SREBF2: variants seen among roughly 807,000 people sequenced by gnomAD.
SREBF2 encodes the protein sterol regulatory element-binding protein 2.
In SREBF2, 55 loss-of-function variants were observed where a neutral mutation model predicts 113.1. The observed-to-expected ratio is 0.49, with a 90% CI of 0.39 to 0.61. The LOEUF (loss-of-function observed/expected upper bound fraction) is 0.61, where lower values mean the gene tolerates loss of function less well. Among genes scored for constraint, SREBF2 ranks in the 20% least tolerant of loss-of-function variants. SREBF2 has a pLI of 0.00. For synonymous variants in SREBF2, 593 were observed against 605.7 expected (o/e 0.98, Z 0.31); for missense variants, 1,349 against 1,487.4 (o/e 0.91, Z 1.53).
chr22:41,873,229 G>GA (rs1333759409), intron 4 of SREBF2, among the ~76,000 whole-genome samples: 4 of 151,970 alleles, frequency 2.6e-5, no homozygotes, highest in Non-Finnish European at 4.4e-5. Flanking sequence ...AATAAAGTTA[G>GA]AAAAAATAAG....
chr22:41,878,187 G>A (rs1471375910), intron 9 of SREBF2, 64 bp downstream of exon 9: 2 of 1,595,684 alleles, frequency 1.3e-6, no homozygotes, highest in Non-Finnish European at 1.7e-6. Context: ...AGCAACTCGT[G>A]TCAAAGAAAG....
intron 1 of SREBF2, among the ~76,000 whole-genome samples, chr22:41,844,534 C>T (rs2076859660): frequency 6.6e-6 from 1 of 152,168 alleles, no homozygotes; most frequent in Non-Finnish European, 1.5e-5. Context: ...TAAGGTAAGG[C>T]TCCCTGGGGA....
intron 1 of SREBF2, among the ~76,000 whole-genome samples, chr22:41,836,874 G>A (rs568593538): frequency 6.6e-6 from 1 of 152,256 alleles, no homozygotes; most frequent in African/African-American, 2.4e-5. Flanking sequence ...GCCTCCAGGA[G>A]GTGCAGGCAG....
At position 41,905,803 on chromosome 22, in the gene SREBF2, C is replaced by G. The variant is rs1013004182; in HGVS notation, c.*143C>G. Reference sequence around the variant, plus strand: ...CTTCTGGGCCACTCAGGCCAGTGCACCCCTGGGCAGAGCCCCTTAAAGCTG... The same window carrying G: ...CTTCTGGGCCACTCAGGCCAGTGCAGCCCTGGGCAGAGCCCCTTAAAGCTG... On this transcript the variant is annotated 3_prime_UTR_variant, in exon 19 of 19. Coordinates refer to ENST00000361204, the MANE Select transcript of SREBF2 (RefSeq NM_004599.4). The G allele has an allele frequency of 1.1e-6, 1 of 941,748 alleles. No homozygotes were observed. The highest frequency in any genetic ancestry group is 1.7e-6 in the Non-Finnish European group (1 of 594,358). 58.3% of individuals were successfully genotyped at this position (941,748 alleles called of 1,614,324 possible).
chr22:41,843,853 A>C (rs906450133), intron 1 of SREBF2, among the ~76,000 whole-genome samples: 1 of 151,678 alleles, frequency 6.6e-6, no homozygotes, highest in Non-Finnish European at 1.5e-5. Flanking sequence ...GTAAAAAAAA[A>C]AAAAATACAA....
At chr22:41,905,240 T>C (rs928793531) in intron 18 of SREBF2, among the ~76,000 whole-genome samples, 200 bp from the exon 19 acceptor site, 3 of 152,216 alleles carry the variant, frequency 2.0e-5, no homozygotes, top group Non-Finnish European at 4.4e-5. Context: ...AGCCAGGTCA[T>C]GTGGGCCCAT....
At position 41,866,935 on chromosome 22, in the gene SREBF2, GGCAGCA is replaced by G. The variant is rs1569388216; in HGVS notation, c.195_200del (p.Ser66_Ser67del). On this transcript the variant is annotated inframe_deletion, in exon 2 of 19. Transcript: ENST00000361204. ...CAGTGGTGGTAGTGGTAGCAGCAGC[GGCAGCA>G]GTGGCAGCAGCAGCAGCAGCAGCAA... The G allele has an allele frequency of 6.2e-7, 1 of 1,613,172 alleles. No individual in the cohort carries two copies.
intron 1 of SREBF2, among the ~76,000 whole-genome samples, chr22:41,838,693 A>G (rs2076801035): frequency 6.6e-6 from 1 of 152,230 alleles, no homozygotes; most frequent in Non-Finnish European, 1.5e-5. Context: ...AGATTGTGCC[A>G]CTGTACTCCA....
intron 1 of SREBF2, among the ~76,000 whole-genome samples, chr22:41,864,261 T>TATATATACACACACACAC (rs1204150898): frequency 3.9e-5 from 2 of 51,010 alleles, no homozygotes; most frequent in African/African-American, 1.5e-4. Flanking sequence ...TATATATATA[T>TATATATACACACACACAC]ACACACACAC....
chr22:41,897,201 G>C, intron 14 of SREBF2, 40 bp downstream of exon 14: 2 of 1,431,034 alleles, frequency 1.4e-6, no homozygotes, highest in South Asian at 1.2e-5. Context: ...AGGGTGCTCA[G>C]TTCAGGTCTT....
intron 1 of SREBF2, among the ~76,000 whole-genome samples, chr22:41,866,132 T>G (rs2077072415): frequency 6.6e-6 from 1 of 152,184 alleles, no homozygotes; most frequent in African/African-American, 2.4e-5. Flanking sequence ...ACTCACAGCC[T>G]TAGGACAGTG....
Position 41,833,136 on chromosome 22 carries a change from C to T in SREBF2, c.-135C>T, listed in dbSNP as rs1395248778. 1.6e-6 allele frequency: 1 copy of T among 618,266 alleles called. No individual in the cohort carries two copies. 38.3% of individuals were successfully genotyped at this position (618,266 alleles called of 1,614,324 possible). On this transcript the variant is annotated 5_prime_UTR_variant, in exon 1 of 19. Coordinates refer to ENST00000361204, the MANE Select transcript of SREBF2 (RefSeq NM_004599.4). The surrounding 1 kb of genome is among the most constrained non-coding windows in gnomAD (Gnocchi z 4.1). Reference sequence around the variant, plus strand: ...GTGCGGCGCCCGGGCGCAACGCAAACATGGCGGCGGGTGGCACCCGTCGGT... The same window carrying T: ...GTGCGGCGCCCGGGCGCAACGCAAATATGGCGGCGGGTGGCACCCGTCGGT...
intron 9 of SREBF2, 26 bp downstream of exon 9, chr22:41,878,149 A>G (rs1316575285): frequency 6.2e-7 from 1 of 1,612,706 alleles, no homozygotes; most frequent in Admixed American, 1.7e-5. Flanking sequence ...GCCCTTCCCC[A>G]TCCTCCCCCA....
intron 1 of SREBF2, among the ~76,000 whole-genome samples, chr22:41,853,292 C>T (rs769504387): frequency 1.3e-5 from 2 of 152,196 alleles, no homozygotes; most frequent in Non-Finnish European, 2.9e-5. Flanking sequence ...GCCCATCACC[C>T]ATTGTCTTCA....
At chr22:41,843,480 A>G (rs893435562) in intron 1 of SREBF2, among the ~76,000 whole-genome samples, 3 of 152,218 alleles carry the variant, frequency 2.0e-5, no homozygotes, top group African/African-American at 7.2e-5. Flanking sequence ...TTTGCATGCA[A>G]TCTTTTCTTC....
chr22:41,899,695 C>G, intron 15 of SREBF2: 1 of 579,338 alleles, frequency 1.7e-6, no homozygotes, highest in South Asian at 6.9e-5. Flanking sequence ...GTGTGTCTCC[C>G]CCAGTCGATG....
At chr22:41,880,464 G>C (rs2077234788) in intron 9 of SREBF2, among the ~76,000 whole-genome samples, 1 of 150,988 alleles carries the variant, frequency 6.6e-6, no homozygotes, top group Non-Finnish European at 1.5e-5. Flanking sequence ...TAGAACAAAC[G>C]CACGCAGTAC....
At position 41,893,156 on chromosome 22, in the gene SREBF2, G is replaced by A. The variant is rs1212341895; in HGVS notation, c.2248G>A (p.Glu750Lys). 5.6e-6 allele frequency: 9 copies of A among 1,613,940 alleles called. No individual in the cohort carries two copies. The highest frequency in any genetic ancestry group is 2.2e-5 in the South Asian group (2 of 91,072). ...LSRAQSLCGP[E>K]HSAVPDSLRW... Reference sequence around the variant, plus strand: ...CCGAGCCCAGAGCCTGTGTGGCCCCGAGCACAGTGCTGTTCCTGACTCCCT... The same window carrying A: ...CCGAGCCCAGAGCCTGTGTGGCCCCAAGCACAGTGCTGTTCCTGACTCCCT... Residue 750 changes from glutamate (E) to lysine (K), a missense_variant, in exon 12 of 19, where the codon GAG (glutamate) becomes AAG (lysine). Glu to Lys is a moderately conservative substitution (Grantham distance 56). Around this residue, in one of 2 missense-constraint regions of SREBF2, gnomAD observed 650 missense variants for 644.1 expected, o/e 1.01. Transcript: ENST00000361204.
At chr22:41,839,215 C>G (rs8141218) in intron 1 of SREBF2, among the ~76,000 whole-genome samples, 17,837 of 152,008 alleles carry the variant, frequency 0.12, 1,329 homozygotes, top group South Asian at 0.19. Context: ...GCAGAAAGAG[C>G]TGGTTAGGGG....
Sources: allele counts gnomAD v4.1 joint callset (sites outside exome capture counted in the v4.1 genomes callset), GRCh38; gene constraint gnomAD v4.1.1; regional missense constraint gnomAD v4.1.1; non-coding constraint Gnocchi (gnomAD v3.1); transcripts MANE v1.5; gene names NCBI Gene and HGNC (gene_info 2026-07-23, HGNC 2026-07-21).